RGS3: variants seen among roughly 807,000 people sequenced by gnomAD.
The protein encoded by RGS3 is regulator of G protein signaling 3, also known as regulator of G-protein signalling 3.
A neutral mutation model predicts 132.6 loss-of-function variants in RGS3; 80 were observed. That is an observed-to-expected ratio of 0.60 (90% confidence interval 0.50 to 0.73). The LOEUF (loss-of-function observed/expected upper bound fraction) is 0.73, where lower values mean the gene tolerates loss of function less well. Among genes scored for constraint, RGS3 ranks in the 30% least tolerant of loss-of-function variants. The pLI is 0.00. For missense variants in RGS3, 1,382 were observed against 1,530.8 expected, an observed-to-expected ratio of 0.90 and a Z score of 1.62; for synonymous variants, 598 against 620.6, an observed-to-expected ratio of 0.96 and a Z score of 0.54.
intron 17 of RGS3, among the ~76,000 whole-genome samples, chr9:113,528,618 C>A (rs768180620): frequency 6.6e-6 from 1 of 152,082 alleles, no homozygotes; most frequent in African/African-American, 2.4e-5. Context: ...CAGATGCCTC[C>A]CAGGTGGAGG....
Position 113,537,243 on chromosome 9 carries a change from A to G in RGS3, c.2037+325A>G, listed in dbSNP as rs1042608348. Among the ~76,000 whole-genome samples the G allele has an allele frequency of 2.0e-4, 31 of 152,246 alleles. 1 individual carries two copies. The South Asian group carries it at 3.5e-3, about 17-fold the overall frequency. ...CCCTGATGCTGCCTGGCATGCGTTC[A>G]CCTCTGCCATTGGGTAGCCTGTGCC... On this transcript the variant is annotated intron_variant, in intron 19 of 24. Coordinates refer to ENST00000350696, the Ensembl canonical transcript of RGS3. This position sits in a 1 kb window ranked among gnomAD's most constrained non-coding sequence, Gnocchi z 4.3.
intron 1 of RGS3, among the ~76,000 whole-genome samples, chr9:113,445,674 T>C (rs948139338): frequency 2.0e-5 from 3 of 152,122 alleles, no homozygotes; most frequent in Non-Finnish European, 4.4e-5. Flanking sequence ...CTGTTCTTCA[T>C]TGATTTTGTT....
chr9:113,499,006 C>T (rs1830780288), intron 10 of RGS3, among the ~76,000 whole-genome samples: 1 of 150,596 alleles, frequency 6.6e-6, no homozygotes, highest in African/African-American at 2.4e-5. Context: ...GTGGGCAGAT[C>T]ACTTGAGGTC....
intron 16 of RGS3, among the ~76,000 whole-genome samples, chr9:113,521,960 C>G (rs1405844316): frequency 6.6e-6 from 1 of 152,210 alleles, no homozygotes; most frequent in Non-Finnish European, 1.5e-5. Flanking sequence ...CTTAATAACA[C>G]TTTGTTTTCT....
At chr9:113,569,464 C>T (rs906264125) in intron 19 of RGS3, among the ~76,000 whole-genome samples, 9 of 152,146 alleles carry the variant, frequency 5.9e-5, no homozygotes, top group Admixed American at 5.9e-4. Context: ...AATGTTCAGC[C>T]AGGCCATGAA....
At chr9:113,546,476 G>T (rs192124643) in intron 19 of RGS3, among the ~76,000 whole-genome samples, 1 of 152,298 alleles carries the variant, frequency 6.6e-6, no homozygotes, top group East Asian at 1.9e-4. Context: ...CTCAGTAGAG[G>T]TTGTAGGATT....
At chr9:113,462,248 C>G (rs996800057) in intron 3 of RGS3, 2 of 1,242,942 alleles carry the variant, frequency 1.6e-6, no homozygotes, top group East Asian at 1.1e-4. Context: ...TGGACCTGCT[C>G]TTGTTAAAGG....
At chr9:113,569,013 C>G (rs138824752) in intron 19 of RGS3, among the ~76,000 whole-genome samples, 1 of 152,204 alleles carries the variant, frequency 6.6e-6, no homozygotes, top group African/African-American at 2.4e-5. Context: ...AGTCATCACT[C>G]GAGATGTGTG....
Position 113,470,103 on chromosome 9 carries a change from G to T in RGS3, c.415+7902G>T, listed in dbSNP as rs573373988. 3.3e-5 allele frequency among the ~76,000 whole-genome samples: 5 copies of T among 152,140 alleles called. No homozygotes were observed. The East Asian group carries it at 9.7e-4, about 29-fold the overall frequency. ...TTTTTGTATTTTTAGTAGAGATGGG[G>T]TTTTACCATGTTGGCCACACTGGTC... On this transcript the variant is annotated intron_variant, in intron 3 of 24. Coordinates refer to ENST00000350696, the Ensembl canonical transcript of RGS3.
chr9:113,466,983 T>TA (rs1829664393), intron 3 of RGS3, among the ~76,000 whole-genome samples: 1 of 152,212 alleles, frequency 6.6e-6, no homozygotes, highest in African/African-American at 2.4e-5. Flanking sequence ...TTTTTTTTTT[T>TA]ATGACTGACT....
chr9:113,596,527 A>G (rs1055193649), intron 24 of RGS3, among the ~76,000 whole-genome samples: 15 of 152,304 alleles, frequency 9.8e-5, no homozygotes, highest in African/African-American at 3.6e-4. Flanking sequence ...TAGGATTTGA[A>G]CCCAGGAAGC....
chr9:113,542,270 G>A (rs753693034), intron 19 of RGS3, among the ~76,000 whole-genome samples: 4 of 152,188 alleles, frequency 2.6e-5, no homozygotes, highest in Non-Finnish European at 5.9e-5. Context: ...CTGGAGGAAT[G>A]GCGAGCAGGC....
chr9:113,448,474 G>A (rs1394440382), intron 1 of RGS3, among the ~76,000 whole-genome samples: 1 of 151,842 alleles, frequency 6.6e-6, no homozygotes, highest in Non-Finnish European at 1.5e-5. Flanking sequence ...CCTTCTGCCT[G>A]GCTATTTTCT....
intron 19 of RGS3, among the ~76,000 whole-genome samples, chr9:113,548,123 T>C (rs1833190082): frequency 6.6e-6 from 1 of 152,218 alleles, no homozygotes; most frequent in African/African-American, 2.4e-5. Context: ...GAAAGCCTCC[T>C]CCTTCCCCCA....
intron 1 of RGS3, among the ~76,000 whole-genome samples, chr9:113,447,329 G>GTATATGTA (rs1554751011): frequency 1.1e-4 from 3 of 27,534 alleles, no homozygotes; most frequent in African/African-American, 2.0e-4. Context: ...GTATGTATAT[G>GTATATGTA]TATATATATA....
At chr9:113,575,556 C>T (rs897722717) in intron 19 of RGS3, among the ~76,000 whole-genome samples, 3 of 152,288 alleles carry the variant, frequency 2.0e-5, no homozygotes, top group African/African-American at 4.8e-5. Context: ...TGCACAGGCT[C>T]CCCACTATAG....
intron 17 of RGS3, among the ~76,000 whole-genome samples, chr9:113,525,854 A>C (rs889386050): frequency 1.3e-5 from 2 of 152,162 alleles, no homozygotes; most frequent in Non-Finnish European, 2.9e-5. Context: ...TGAATGACTA[A>C]AAGGAGAGCA....
At chr9:113,555,570 G>T (rs913846525) in intron 19 of RGS3, among the ~76,000 whole-genome samples, 1 of 151,838 alleles carries the variant, frequency 6.6e-6, no homozygotes, top group Non-Finnish European at 1.5e-5. Flanking sequence ...AGGTTCAAGC[G>T]ATTCTCCTAC....
chr9:113,468,260 GT>G (rs1163077330), intron 3 of RGS3, among the ~76,000 whole-genome samples: 3 of 152,224 alleles, frequency 2.0e-5, no homozygotes, highest in Non-Finnish European at 4.4e-5. Context: ...CAACTTCATT[GT>G]TTTTTGTGGC....
Sources: gnomAD v4.1 joint callset for allele counts (sites outside exome capture counted in the v4.1 genomes callset) on GRCh38, gnomAD v4.1.1 for gene constraint, Gnocchi (gnomAD v3.1) non-coding constraint, MANE v1.5 for transcripts, NCBI Gene and HGNC (gene_info 2026-07-23, HGNC 2026-07-21) for gene names.